CDH1: variants seen among roughly 807,000 people sequenced by gnomAD.
The protein encoded by CDH1 is cadherin-1.
In CDH1, 35 loss-of-function variants were observed where a neutral mutation model predicts 84.5. The observed-to-expected ratio is 0.41, with a 90% CI of 0.32 to 0.55. CDH1 has a LOEUF of 0.55. Ranked by LOEUF, CDH1 falls within the 20% of genes least tolerant of loss-of-function variation. The pLI, the probability that CDH1 is intolerant of heterozygous loss-of-function variation, is 0.19. For synonymous variants in CDH1, 417 were observed against 439.0 expected (o/e 0.95, Z 0.63); for missense variants, 994 against 1,126.6 (o/e 0.88, Z 1.68).
intron 2 of CDH1, among the ~76,000 whole-genome samples, chr16:68,764,949 G>T (rs566394725): frequency 6.6e-6 from 1 of 152,258 alleles, no homozygotes; most frequent in Non-Finnish European, 1.5e-5. Flanking sequence ...CATGGTTTTG[G>T]AAAGAGGCAT....
intron 13 of CDH1, among the ~76,000 whole-genome samples, chr16:68,824,361 G>C (rs570874883): frequency 6.6e-6 from 1 of 152,250 alleles, no homozygotes; most frequent in Non-Finnish European, 1.5e-5. Context: ...ACCATAGGCA[G>C]AGTAGCAAGA....
intron 2 of CDH1, among the ~76,000 whole-genome samples, chr16:68,740,012 T>G (rs1483875476): frequency 2.0e-5 from 3 of 152,202 alleles, no homozygotes; most frequent in Non-Finnish European, 4.4e-5. Context: ...GTTGTGACAA[T>G]CTAGAGTTTG....
intron 3 of CDH1, among the ~76,000 whole-genome samples, chr16:68,804,360 G>A (rs1960595327): frequency 1.3e-5 from 2 of 151,792 alleles, no homozygotes; most frequent in Non-Finnish European, 2.9e-5. Flanking sequence ...TGATCCACCT[G>A]CCTCGGCCTC....
intron 11 of CDH1, among the ~76,000 whole-genome samples, chr16:68,819,980 C>T (rs570402379): frequency 6.6e-6 from 1 of 152,134 alleles, no homozygotes; most frequent in African/African-American, 2.4e-5. Context: ...GGGAGGATCA[C>T]TTGAGCCCAG....
At chr16:68,760,452 G>A (rs1409908239) in intron 2 of CDH1, among the ~76,000 whole-genome samples, 1 of 151,794 alleles carries the variant, frequency 6.6e-6, no homozygotes, top group Non-Finnish European at 1.5e-5. Flanking sequence ...CCAAAGATGG[G>A]AATGTGAATT....
chr16:68,741,826 C>T (rs1962570806), intron 2 of CDH1, among the ~76,000 whole-genome samples: 2 of 152,134 alleles, frequency 1.3e-5, no homozygotes, highest in Admixed American at 6.6e-5. Flanking sequence ...ATTGCAGGCA[C>T]ATGCCACCAT....
intron 13 of CDH1, among the ~76,000 whole-genome samples, chr16:68,824,034 G>GT (rs1277763824): frequency 5.3e-4 from 53 of 99,338 alleles, no homozygotes; most frequent in Admixed American, 3.7e-3. Context: ...TTTCGCTCTT[G>GT]TTGCCGAGGC....
intron 2 of CDH1, among the ~76,000 whole-genome samples, chr16:68,799,889 T>C (rs1426419782): frequency 6.6e-6 from 1 of 151,964 alleles, no homozygotes; most frequent in Non-Finnish European, 1.5e-5. Flanking sequence ...GGCACATGCC[T>C]GTAATCCCAG....
chr16:68,821,089 A>G (rs1567511613), intron 11 of CDH1, among the ~76,000 whole-genome samples: 1 of 152,178 alleles, frequency 6.6e-6, no homozygotes, highest in East Asian at 1.9e-4. Flanking sequence ...TCCGTATCGT[A>G]TACTAATATT....
chr16:68,738,197 C>G, intron 1 of CDH1, 100 bp from the exon 2 acceptor site: 1 of 812,446 alleles, frequency 1.2e-6, no homozygotes, highest in Middle Eastern at 2.3e-4. Context: ...CTCCCCCAAT[C>G]CCGACGCCGG....
At chr16:68,794,794 C>T (rs1745709323) in intron 2 of CDH1, among the ~76,000 whole-genome samples, 1 of 150,332 alleles carries the variant, frequency 6.7e-6, no homozygotes, top group South Asian at 2.1e-4. Context: ...TCACACCATT[C>T]TCCTGCCTCA....
intron 2 of CDH1, among the ~76,000 whole-genome samples, chr16:68,794,925 C>T (rs1960318371): frequency 6.6e-6 from 1 of 151,762 alleles, no homozygotes; most frequent in African/African-American, 2.4e-5. Context: ...ATCTCCTGAC[C>T]TTGTGATCCA....
Position 68,833,301 on chromosome 16 carries a change from G to A in CDH1, c.2451G>A (p.Ala817=), listed in dbSNP as rs149450874. The stretch of plus-strand genomic sequence containing the variant: ...CCCTTCTTCTTTAGAATCTGAAAGC[G>A]GCTGATACTGACCCCACAGCCCCGC... ...IGNFIDENLK[A]ADTDPTAPPY... is the part of the protein sequence containing the mutation. Residue 817 remains alanine, a synonymous_variant, in exon 16 of 16, where the codon GCG becomes GCA. Transcript: ENST00000261769. 1.4e-4 allele frequency: 229 copies of A among 1,614,094 alleles called. 1 individual carries two copies. The highest frequency in any genetic ancestry group is 1.8e-4 in the East Asian group (8 of 44,884).
At chr16:68,832,180 G>A (rs1961501967) in intron 15 of CDH1, among the ~76,000 whole-genome samples, 1 of 152,038 alleles carries the variant, frequency 6.6e-6, no homozygotes, top group Non-Finnish European at 1.5e-5. Context: ...TGGGTACTGG[G>A]CTAAATACCT....
At chr16:68,777,549 T>G (rs1033330402) in intron 2 of CDH1, among the ~76,000 whole-genome samples, 7 of 142,350 alleles carry the variant, frequency 4.9e-5, no homozygotes, top group African/African-American at 1.5e-4. Context: ...TTTTTTTTTT[T>G]TTTTTTTTGA....
chr16:68,738,964 T>TTTTTTTTAAA (rs555202424), intron 2 of CDH1, among the ~76,000 whole-genome samples: 1 of 65,364 alleles, frequency 1.5e-5, no homozygotes, highest in African/African-American at 5.7e-5. Context: ...TTTTTTTTTT[T>TTTTTTTTAAA]AAAGACAGGG....
rs761356661 is a variant in CDH1 at position 68,815,719 on chromosome 16, A to G, written c.1525A>G (p.Thr509Ala). 1.2e-6 allele frequency: 2 copies of G among 1,614,252 alleles called. No individual in the cohort carries two copies. Among genetic ancestry groups the G allele is most frequent in the Admixed American group, 1.7e-5 (1 of 60,026 alleles). Residue 509 changes from threonine to alanine, a missense_variant, in exon 10 of 16, where the codon ACT becomes GCT. Physicochemically the swap from Thr to Ala is moderately conservative, Grantham distance 58 (BLOSUM62 0). Transcript: ENST00000261769. Reference sequence around the variant, plus strand: ...CGTGGGCCAGGAAATCACATCCTACACTGCCCAGGAGCCAGACACATTTAT... The same window carrying G: ...CGTGGGCCAGGAAATCACATCCTACGCTGCCCAGGAGCCAGACACATTTAT... ...FGVGQEITSY[T>A]AQEPDTFMEQ...
intron 2 of CDH1, among the ~76,000 whole-genome samples, chr16:68,776,800 C>T (rs1959744780): frequency 6.6e-6 from 1 of 152,200 alleles, no homozygotes; most frequent in African/African-American, 2.4e-5. Flanking sequence ...ATCCAACAGG[C>T]TTGTCAGATT....
chr16:68,821,395 A>C (rs891364534), intron 11 of CDH1, among the ~76,000 whole-genome samples: 1 of 151,184 alleles, frequency 6.6e-6, no homozygotes, highest in African/African-American at 2.4e-5. Context: ...GATTAAGCCC[A>C]GGAGGTAGAG....
Sources: allele counts gnomAD v4.1 joint callset (sites outside exome capture counted in the v4.1 genomes callset), GRCh38; gene constraint gnomAD v4.1.1; transcripts MANE v1.5; gene names NCBI Gene and HGNC (gene_info 2026-07-23, HGNC 2026-07-21).